Variants in CCDC3 observed in about 807,000 individuals in gnomAD.
CCDC3 encodes the protein coiled-coil domain containing 3, also known as coiled-coil domain-containing protein 3.
In CCDC3, 24 loss-of-function variants were observed where a neutral mutation model predicts 21.4. The observed-to-expected ratio is 1.12, with a 90% CI of 0.81 to 1.58. CCDC3 has a LOEUF of 1.58. CCDC3 is among the 40% of genes most tolerant of loss of function. The probability of loss-of-function intolerance (pLI) is 0.00; values close to 1 mark genes in which losing one functional copy is unlikely to be tolerated. For synonymous variants in CCDC3, 186 were observed against 166.0 expected, an observed-to-expected ratio of 1.12 and a Z score of -0.93; for missense variants, 425 against 360.9, an observed-to-expected ratio of 1.18 and a Z score of -1.44.
intron 2 of CCDC3, among the ~76,000 whole-genome samples, chr10:12,987,756 G>A (rs746075508): frequency 1.3e-5 from 2 of 152,192 alleles, no homozygotes; most frequent in African/African-American, 2.4e-5. Flanking sequence ...AGGTGCTGGA[G>A]GAAGATGACA....
chr10:13,089,637 T>C (rs1837154714), intron 3 of CCDC3, among the ~76,000 whole-genome samples: 1 of 152,106 alleles, frequency 6.6e-6, no homozygotes, highest in South Asian at 2.1e-4. Flanking sequence ...CCCCTTAAAT[T>C]GGAGGAATTC....
intron 2 of CCDC3, among the ~76,000 whole-genome samples, chr10:12,937,084 G>A (rs762106813): frequency 1.7e-4 from 25 of 150,182 alleles, no homozygotes; most frequent in Non-Finnish European, 3.0e-4. Context: ...CCTGGGGGCC[G>A]GCCAATGGCT....
At chr10:12,908,679 G>A (rs1335011312) in intron 2 of CCDC3, among the ~76,000 whole-genome samples, 1 of 146,938 alleles carries the variant, frequency 6.8e-6, no homozygotes, top group Non-Finnish European at 1.5e-5. Flanking sequence ...GTGTGATCTC[G>A]GCTCCCAGGT....
intron 3 of CCDC3, among the ~76,000 whole-genome samples, chr10:13,079,836 G>A (rs1159785619): frequency 6.6e-6 from 1 of 152,130 alleles, no homozygotes; most frequent in Non-Finnish European, 1.5e-5. Context: ...GCAGAGGCAG[G>A]GAAGAGCAGC....
At chr10:13,086,345 C>T (rs1014816511) in intron 3 of CCDC3, among the ~76,000 whole-genome samples, 2 of 152,158 alleles carry the variant, frequency 1.3e-5, no homozygotes, top group Admixed American at 1.3e-4. Flanking sequence ...CCAAAGTTAG[C>T]ATAACAATTC....
chr10:12,993,240 G>T (rs896571050), intron 2 of CCDC3, among the ~76,000 whole-genome samples: 5 of 152,170 alleles, frequency 3.3e-5, no homozygotes, highest in Non-Finnish European at 7.3e-5. Flanking sequence ...GTTCTAATTA[G>T]GTCCTGAGAC....
intron 3 of CCDC3, among the ~76,000 whole-genome samples, chr10:13,084,813 G>A (rs1187087575): frequency 1.3e-5 from 2 of 152,156 alleles, no homozygotes; most frequent in Non-Finnish European, 2.9e-5. Flanking sequence ...GAGAAGGAGT[G>A]AGATTGTCTA....
At chr10:12,898,720 C>T in intron 2 of CCDC3, 41 bp from the exon 3 acceptor site, 2 of 1,603,794 alleles carry the variant, frequency 1.2e-6, no homozygotes, top group Non-Finnish European at 1.7e-6. Context: ...AGGTGAGTCC[C>T]AGAAACTGCG....
At chr10:13,088,432 C>CT (rs1837138983) in intron 3 of CCDC3, among the ~76,000 whole-genome samples, 2 of 152,162 alleles carry the variant, frequency 1.3e-5, no homozygotes, top group African/African-American at 2.4e-5. Context: ...AAAATGACAT[C>CT]GCCCCAAATC....
intron 3 of CCDC3, among the ~76,000 whole-genome samples, chr10:13,090,825 G>C (rs11258184): frequency 0.018 from 2,747 of 152,220 alleles, 71 homozygotes; most frequent in African/African-American, 0.062. Flanking sequence ...TGACTCACAC[G>C]ATCACAGGGT....
chr10:12,905,898 G>A (rs1834163547), intron 2 of CCDC3, among the ~76,000 whole-genome samples: 1 of 152,122 alleles, frequency 6.6e-6, no homozygotes. Context: ...TGTGTTTTCT[G>A]GCCCCGTAGA....
chr10:12,982,658 G>C (rs1004048815), intron 2 of CCDC3, among the ~76,000 whole-genome samples: 1 of 151,412 alleles, frequency 6.6e-6, no homozygotes, highest in Non-Finnish European at 1.5e-5. Context: ...GCTGGGTGTG[G>C]TGGCATGCAC....
intron 2 of CCDC3, among the ~76,000 whole-genome samples, chr10:12,936,767 G>A (rs1456455734): frequency 2.6e-5 from 4 of 152,152 alleles, no homozygotes; most frequent in Non-Finnish European, 5.9e-5. Flanking sequence ...GAAACTATTA[G>A]CCAGATATGG....
intron 2 of CCDC3, among the ~76,000 whole-genome samples, chr10:12,976,972 C>T (rs1589028018): frequency 6.6e-6 from 1 of 152,152 alleles, no homozygotes; most frequent in Non-Finnish European, 1.5e-5. Flanking sequence ...ATGGTGTCCC[C>T]CACTCGAAAG....
intron 2 of CCDC3, among the ~76,000 whole-genome samples, chr10:12,964,445 C>G (rs532840199): frequency 6.6e-6 from 1 of 152,238 alleles, no homozygotes; most frequent in African/African-American, 2.4e-5. Flanking sequence ...ATCTCTCCCG[C>G]TTTCAGATCT....
At chr10:12,999,299 A>G (rs1026704696) in intron 1 of CCDC3, among the ~76,000 whole-genome samples, 1 of 152,214 alleles carries the variant, frequency 6.6e-6, no homozygotes, top group Non-Finnish European at 1.5e-5. Flanking sequence ...TGTCATAAGC[A>G]TTGCATCAAA....
At chr10:12,901,213 G>T (rs184948874) in intron 2 of CCDC3, among the ~76,000 whole-genome samples, 16 of 152,026 alleles carry the variant, frequency 1.1e-4, no homozygotes, top group African/African-American at 3.9e-4. Flanking sequence ...TCTACCCAAG[G>T]TATTAATCCC....
At chr10:13,018,212 T>C (rs1416192839) in intron 5 of CCDC3, among the ~76,000 whole-genome samples, 1 of 151,994 alleles carries the variant, frequency 6.6e-6, no homozygotes, top group East Asian at 1.9e-4. Context: ...CTCTTTCCCA[T>C]AGGAAGTGAA....
chr10:13,086,417 T>C lies in CCDC3; in HGVS notation c.-503+12108A>G, dbSNP rs543127226. Among the ~76,000 whole-genome samples the C allele has an allele frequency of 2.6e-5, 4 of 152,344 alleles. No individual in the cohort carries two copies. In the East Asian group the frequency reaches 7.7e-4, roughly 29 times the overall value. On this transcript the variant is annotated intron_variant, in intron 3 of 6. Coordinates refer to the CCDC3 transcript ENST00000378839. ...ATTTAAGGCAATTGTTTGGAATATTTTGGGAGTTATGAATAAAACTCTGAA... is the reference window on the plus strand; with the variant it reads ...ATTTAAGGCAATTGTTTGGAATATTCTGGGAGTTATGAATAAAACTCTGAA...
Sources: gnomAD v4.1 joint callset for allele counts (sites outside exome capture counted in the v4.1 genomes callset) on GRCh38, gnomAD v4.1.1 for gene constraint, MANE v1.5 for transcripts, NCBI Gene and HGNC (gene_info 2026-07-23, HGNC 2026-07-21) for gene names.